Variants in DGKG observed in about 807,000 individuals in gnomAD.
DGKG encodes the protein diacylglycerol kinase gamma.
A neutral mutation model predicts 105.3 loss-of-function variants in DGKG; 78 were observed. The observed-to-expected ratio is 0.74, with a 90% confidence interval of 0.62 to 0.89. The LOEUF (loss-of-function observed/expected upper bound fraction) is 0.89. Among genes scored for constraint, DGKG ranks in the 40% least tolerant of loss-of-function variants. DGKG has a pLI of 0.00. For synonymous variants in DGKG, 346 were observed against 367.1 expected, an observed-to-expected ratio of 0.94 and a Z score of 0.66; for missense variants, 958 against 1,020.1, an observed-to-expected ratio of 0.94 and a Z score of 0.83.
intron 20 of DGKG, among the ~76,000 whole-genome samples, chr3:186,241,823 G>C (rs560754627): frequency 1.3e-5 from 2 of 152,308 alleles, no homozygotes; most frequent in Admixed American, 6.5e-5. Flanking sequence ...TCACAACTAA[G>C]TTCTGGCAAA....
chr3:186,161,210 TAA>T, intron 24 of DGKG: 2 of 996,388 alleles, frequency 2.0e-6, no homozygotes, highest in Non-Finnish European at 1.2e-6. Context: ...GGCTTCCACG[TAA>T]GGAAGCAATT....
At chr3:186,267,052 C>T (rs1722087552) in intron 13 of DGKG, among the ~76,000 whole-genome samples, 1 of 152,172 alleles carries the variant, frequency 6.6e-6, no homozygotes, top group Non-Finnish European at 1.5e-5. Context: ...CAGGCGACAA[C>T]GTGCCAGGTG....
chr3:186,161,220 ATT>A lies in DGKG; in HGVS notation c.2277+381_2277+382del. 3 of 1,010,280 alleles carry A rather than the reference ATT, an allele frequency of 3.0e-6. No individual in the cohort carries two copies. The South Asian group carries it at 1.2e-4, about 41-fold the overall frequency. 62.6% of individuals were successfully genotyped at this position (1,010,280 alleles called of 1,614,324 possible). A position where few individuals can be genotyped will look rare whatever the true frequency, so the allele number is the denominator to read the frequency against. On this transcript the variant is annotated intron_variant, in intron 24 of 24. Transcript: ENST00000265022. ...GATTTGGCTTCCACGTAAGGAAGCA[ATT>A]TGACTTGTTCATCAGCAGAACAGTC...
chr3:186,322,625 CTCT>C (rs1042868113), intron 1 of DGKG, among the ~76,000 whole-genome samples: 3 of 152,108 alleles, frequency 2.0e-5, no homozygotes, highest in African/African-American at 7.2e-5. Context: ...GTCCTCAGCC[CTCT>C]TCTCACTCTA....
At chr3:186,339,649 C>T (rs1470402802) in intron 1 of DGKG, among the ~76,000 whole-genome samples, 1 of 152,104 alleles carries the variant, frequency 6.6e-6, no homozygotes, top group Non-Finnish European at 1.5e-5. Flanking sequence ...CTTACTGAAG[C>T]ATGTGTGTGG....
At chr3:186,245,923 C>A (rs540038371) in intron 19 of DGKG, among the ~76,000 whole-genome samples, 22 of 139,464 alleles carry the variant, frequency 1.6e-4, no homozygotes, top group African/African-American at 7.1e-4. Context: ...AACAAAAAAA[C>A]AACAACAACA....
chr3:186,335,857 T>C (rs550941019), intron 1 of DGKG, among the ~76,000 whole-genome samples: 5 of 152,284 alleles, frequency 3.3e-5, no homozygotes, highest in East Asian at 1.9e-4. Flanking sequence ...CTGTTTAAAA[T>C]AGCAAAAAAT....
At chr3:186,283,703 G>A (rs1722932221) in intron 7 of DGKG, among the ~76,000 whole-genome samples, 1 of 152,230 alleles carries the variant, frequency 6.6e-6, no homozygotes, top group African/African-American at 2.4e-5. Context: ...CTGACATAAT[G>A]CAGATACTCA....
chr3:186,161,800 C>T lies in DGKG; in HGVS notation c.2217-137G>A, dbSNP rs77514605. 4,023 of 1,381,222 alleles carry T rather than the reference C, an allele frequency of 2.9e-3. 106 individuals are homozygous for T. In the African/African-American group the frequency reaches 0.053, roughly 18 times the overall value. The allele number at this position is 1,381,222 out of a possible 1,614,324, so 85.6% of individuals were successfully genotyped here. On this transcript the variant is annotated intron_variant, in intron 23 of 24. Coordinates refer to ENST00000265022, the MANE Select transcript of DGKG (RefSeq NM_001346.3). ...GGTTCTCTAAGACTCTTTTGGAGAA[C>T]TTGTTAAAAATAGATTTCTGAGACC... is the stretch of plus-strand genomic sequence containing the variant.
chr3:186,194,766 C>G (rs1481866561), intron 21 of DGKG, among the ~76,000 whole-genome samples: 1 of 143,264 alleles, frequency 7.0e-6, no homozygotes, highest in African/African-American at 2.6e-5. Context: ...GAGTTATTGT[C>G]CCTCCCATCT....
At chr3:186,209,848 T>C (rs913201229) in intron 21 of DGKG, among the ~76,000 whole-genome samples, 2 of 152,176 alleles carry the variant, frequency 1.3e-5, no homozygotes, top group South Asian at 4.1e-4. Flanking sequence ...GCCCCAATCC[T>C]GAGGGCTGTC....
At chr3:186,290,093 G>A (rs904264733) in intron 5 of DGKG, among the ~76,000 whole-genome samples, 1 of 152,198 alleles carries the variant, frequency 6.6e-6, no homozygotes, top group African/African-American at 2.4e-5. Context: ...AAACGTGGCT[G>A]CAAAGTAAGG....
intron 20 of DGKG, among the ~76,000 whole-genome samples, chr3:186,222,938 C>T (rs1042131069): frequency 2.3e-4 from 33 of 141,582 alleles, no homozygotes; most frequent in Non-Finnish European, 3.8e-4. Flanking sequence ...CCAGCCTGGG[C>T]GACAGAGTGA....
intron 19 of DGKG, among the ~76,000 whole-genome samples, chr3:186,245,005 TG>T (rs1720871092): frequency 6.6e-6 from 1 of 152,112 alleles, no homozygotes; most frequent in Non-Finnish European, 1.5e-5. Flanking sequence ...AATTTTCGTC[TG>T]TCAGGAAAAA....
chr3:186,299,800 T>TCTTTCTTTCTTTCTTTCTTTCTTC (rs1723797023), intron 3 of DGKG, among the ~76,000 whole-genome samples: 1 of 94,104 alleles, frequency 1.1e-5, no homozygotes, highest in East Asian at 2.4e-4. Flanking sequence ...TTTCTTTCTT[T>TCTTTCTTTCTTTCTTTCTTTCTTC]CTTTCTTTCT....
At chr3:186,161,781 C>G in intron 23 of DGKG, 118 bp from the exon 24 acceptor site, 1 of 1,476,060 alleles carries the variant, frequency 6.8e-7, no homozygotes, top group Non-Finnish European at 9.2e-7. Flanking sequence ...GTGTGGTTCT[C>G]TAAGACTCTT....
chr3:186,148,824 C>T lies in DGKG; in HGVS notation c.*1266G>A. 1 of 985,408 alleles carries T rather than the reference C, an allele frequency of 1.0e-6. No individual in the cohort carries two copies. The highest frequency in any genetic ancestry group is 1.2e-6 in the Non-Finnish European group (1 of 829,840). The allele number at this position is 985,408 out of a possible 1,614,324, so 61.0% of individuals were successfully genotyped here. ...TCATTCCCCTTAACCCTTGTGATCA[C>T]CACAGGGAGATGCGTCCTGACAATG... On this transcript the variant is annotated 3_prime_UTR_variant, in exon 25 of 25. Transcript: ENST00000265022.
intron 1 of DGKG, among the ~76,000 whole-genome samples, chr3:186,352,146 A>G (rs1726663435): frequency 6.6e-6 from 1 of 152,202 alleles, no homozygotes; most frequent in South Asian, 2.1e-4. Flanking sequence ...AGAGAGAAAG[A>G]CCATGCTTAC....
At chr3:186,282,441 A>C (rs1722871900) in intron 7 of DGKG, among the ~76,000 whole-genome samples, 1 of 152,218 alleles carries the variant, frequency 6.6e-6, no homozygotes, top group Non-Finnish European at 1.5e-5. Flanking sequence ...CTGGAATTTA[A>C]CAACTTCTTA....
Sources: gnomAD v4.1 joint callset for allele counts (sites outside exome capture counted in the v4.1 genomes callset) on GRCh38, gnomAD v4.1.1 for gene constraint, MANE v1.5 for transcripts, NCBI Gene and HGNC (gene_info 2026-07-23, HGNC 2026-07-21) for gene names.